ITPR2: variants seen among roughly 807,000 people sequenced by gnomAD.
ITPR2 encodes the protein inositol 1,4,5-trisphosphate receptor type 2, also known as inositol 1,4,5-trisphosphate-gated calcium channel ITPR2.
Under a neutral mutation model 317.1 loss-of-function variants are expected in ITPR2, and 207 were observed. That is an observed-to-expected ratio of 0.65 (90% CI 0.58 to 0.73). The LOEUF (loss-of-function observed/expected upper bound fraction) is 0.73, where lower values mean the gene tolerates loss of function less well. ITPR2 is among the 30% of genes least tolerant of loss of function. The pLI, the probability that ITPR2 is intolerant of heterozygous loss-of-function variation, is 0.00. For missense variants in ITPR2, 2,613 were observed against 3,284.0 expected, an observed-to-expected ratio of 0.80 and a Z score of 4.99; for synonymous variants, 1,156 against 1,149.1, an observed-to-expected ratio of 1.01 and a Z score of -0.12.
chr12:26,628,208 G>A (rs761158887), intron 22 of ITPR2, 46 bp from the exon 23 acceptor site: 1 of 1,487,212 alleles, frequency 6.7e-7, no homozygotes, highest in South Asian at 1.2e-5. Flanking sequence ...CATTAGCATA[G>A]TATTTAAAAA....
At chr12:26,385,953 C>T (rs1312866454) in intron 55 of ITPR2, among the ~76,000 whole-genome samples, 2 of 152,034 alleles carry the variant, frequency 1.3e-5, no homozygotes, top group Non-Finnish European at 2.9e-5. Context: ...GCTCTATGTT[C>T]CTTGGCAGAG....
intron 37 of ITPR2, among the ~76,000 whole-genome samples, chr12:26,496,805 G>A (rs1405788711): frequency 1.3e-5 from 2 of 151,808 alleles, no homozygotes; most frequent in Admixed American, 6.6e-5. Context: ...TTAGCCAGGC[G>A]TGGTGGTGGG....
chr12:26,487,204 G>T lies in ITPR2; in HGVS notation c.5418C>A (p.Phe1806Leu). 3.1e-6 allele frequency: 5 copies of T among 1,606,180 alleles called. No individual in the cohort carries two copies. The highest frequency in any genetic ancestry group is 4.2e-6 in the Non-Finnish European group (5 of 1,177,982). The change falls in exon 40 of 57, where the codon TTC becomes TTA. Residue 1806 changes from phenylalanine to leucine, a missense_variant. By Grantham distance (22) the Phe-to-Leu change is conservative. Transcript: ENST00000381340. ...QLHEQKKSEK[F>L]FKVLYDRMKA... Reference sequence around the variant, plus strand: ...TCATTCGATCATAGAGAACTTTAAAGAATTTTTCTGACTTTTTTTGTTCAT... The same window carrying T: ...TCATTCGATCATAGAGAACTTTAAATAATTTTTCTGACTTTTTTTGTTCAT...
At chr12:26,439,734 G>T (rs764370885) in intron 46 of ITPR2, among the ~76,000 whole-genome samples, 4 of 152,104 alleles carry the variant, frequency 2.6e-5, no homozygotes, top group Non-Finnish European at 5.9e-5. Context: ...CCTAAAAGGG[G>T]CTGCCAGGTA....
chr12:26,423,830 G>T (rs577736690), intron 49 of ITPR2, among the ~76,000 whole-genome samples: 6 of 152,222 alleles, frequency 3.9e-5, no homozygotes, highest in African/African-American at 1.4e-4. Flanking sequence ...TGAATTTTTT[G>T]AAATATCTCA....
At position 26,366,114 on chromosome 12, in the gene ITPR2, T is replaced by G. The variant is rs117363128; in HGVS notation, c.7857+21320A>C. On this transcript the variant is annotated intron_variant, in intron 55 of 56. Coordinates refer to ENST00000381340, the MANE Select transcript of ITPR2 (RefSeq NM_002223.4). ...ATCGGTTGGTCTTTTCATGAAACAG[T>G]GTAGCCTGCTTTCCTTGTTCTCTTT... is the stretch of plus-strand genomic sequence containing the variant. 3.8e-3 allele frequency among the ~76,000 whole-genome samples: 581 copies of G among 152,258 alleles called. 27 individuals are homozygous for G. In the East Asian group the frequency reaches 0.091, roughly 24 times the overall value.
chr12:26,379,971 G>C (rs1294990762), intron 55 of ITPR2, among the ~76,000 whole-genome samples: 1 of 152,146 alleles, frequency 6.6e-6, no homozygotes, highest in Non-Finnish European at 1.5e-5. Context: ...CCGAACACTA[G>C]CAGATCTACA....
chr12:26,511,850 C>G (rs1383960359), intron 37 of ITPR2, among the ~76,000 whole-genome samples: 1 of 152,192 alleles, frequency 6.6e-6, no homozygotes, highest in Non-Finnish European at 1.5e-5. Context: ...TCTAAGCCAT[C>G]TCTGTCCACC....
intron 2 of ITPR2, among the ~76,000 whole-genome samples, chr12:26,782,019 T>C (rs1329626588): frequency 2.7e-5 from 1 of 36,366 alleles, no homozygotes; most frequent in Non-Finnish European, 5.6e-5. Context: ...TATATATATA[T>C]ATATATATAT....
chr12:26,494,053 T>C (rs1298332246), intron 39 of ITPR2, 100 bp downstream of exon 39: 13 of 863,304 alleles, frequency 1.5e-5, no homozygotes, highest in Non-Finnish European at 2.2e-5. Context: ...TAGATAGTAA[T>C]AAGAGCTAAA....
intron 32 of ITPR2, among the ~76,000 whole-genome samples, chr12:26,581,507 T>C (rs1945403944): frequency 6.6e-6 from 1 of 152,178 alleles, no homozygotes; most frequent in African/African-American, 2.4e-5. Context: ...CTAGTTATTG[T>C]TCCAGCATAT....
In ITPR2 at chr12:26,621,159, C is replaced by T. The variant is rs1472511761; in HGVS notation, c.3426G>A (p.Gly1142=). ...CTTCACCACCTTTCACTTGACTTTC[C>T]CCTATTTCTCCATTCTCATAGTTGC... ...KSSNYENGEI[G]ESQVKGGEEP... Residue 1142 remains glycine, a synonymous_variant, in exon 26 of 57, where the codon GGG becomes GGA. Coordinates refer to ENST00000381340, the MANE Select transcript of ITPR2 (RefSeq NM_002223.4). 1 of 1,613,660 alleles carries T rather than the reference C, an allele frequency of 6.2e-7. No homozygotes were observed. Among genetic ancestry groups the T allele is most frequent in the Admixed American group, 1.7e-5 (1 of 59,968 alleles).
At chr12:26,685,354 G>C (rs1275512632) in intron 11 of ITPR2, among the ~76,000 whole-genome samples, 1 of 152,196 alleles carries the variant, frequency 6.6e-6, no homozygotes, top group African/African-American at 2.4e-5. Flanking sequence ...TCGGCATTTT[G>C]AGAAGCTGAG....
chr12:26,525,693 C>G (rs551200678), intron 37 of ITPR2, among the ~76,000 whole-genome samples: 3 of 152,174 alleles, frequency 2.0e-5, no homozygotes, highest in African/African-American at 7.2e-5. Context: ...TGTTCACAAA[C>G]CACATCCTGA....
intron 41 of ITPR2, among the ~76,000 whole-genome samples, chr12:26,485,759 T>C (rs1235581171): frequency 6.6e-6 from 1 of 152,120 alleles, no homozygotes; most frequent in Non-Finnish European, 1.5e-5. Context: ...GAATATAAAA[T>C]CATGAAAGAT....
chr12:26,656,153 G>A, intron 19 of ITPR2, 144 bp downstream of exon 19: 1 of 1,051,362 alleles, frequency 9.5e-7, no homozygotes, highest in East Asian at 2.4e-5. Flanking sequence ...TTCAAAACGA[G>A]TATCTTATTT....
chr12:26,593,911 T>C (rs2137109109), intron 32 of ITPR2, among the ~76,000 whole-genome samples: 1 of 152,362 alleles, frequency 6.6e-6, no homozygotes, highest in South Asian at 2.1e-4. Flanking sequence ...CTGCCTACAA[T>C]GTGACCTTGA....
intron 37 of ITPR2, among the ~76,000 whole-genome samples, chr12:26,499,235 T>TA (rs1402337208): frequency 6.6e-6 from 1 of 152,222 alleles, no homozygotes; most frequent in Admixed American, 6.5e-5. Context: ...TCGGCAGATA[T>TA]AATCACAGTG....
intron 48 of ITPR2, among the ~76,000 whole-genome samples, chr12:26,429,660 T>C (rs1034300186): frequency 1.3e-5 from 2 of 152,350 alleles, no homozygotes; most frequent in East Asian, 1.9e-4. Flanking sequence ...CCTATCGCCA[T>C]GCCTGTTACA....
Sources: gnomAD v4.1 joint callset for allele counts (sites outside exome capture counted in the v4.1 genomes callset) on GRCh38, gnomAD v4.1.1 for gene constraint, MANE v1.5 for transcripts, NCBI Gene and HGNC (gene_info 2026-07-23, HGNC 2026-07-21) for gene names.